Variants in SFMBT2 observed in about 807,000 individuals in gnomAD.
SFMBT2 encodes the protein Scm like with four mbt domains 2.
Under a neutral mutation model 110.1 loss-of-function variants are expected in SFMBT2, and 38 were observed. The observed-to-expected ratio is 0.35, with a 90% CI of 0.27 to 0.45. SFMBT2 has a LOEUF of 0.45. Ranked by LOEUF, SFMBT2 falls within the 20% of genes least tolerant of loss-of-function variation. SFMBT2 has a pLI of 1.00. For missense variants in SFMBT2, 1,011 were observed against 1,094.9 expected (o/e 0.92, Z 1.08); for synonymous variants, 425 against 425.4 (o/e 1.00, Z 0.01).
chr10:7,350,452 C>T (rs982772280), intron 4 of SFMBT2, among the ~76,000 whole-genome samples: 13 of 152,318 alleles, frequency 8.5e-5, no homozygotes, highest in African/African-American at 2.2e-4. Flanking sequence ...GCACCCATGA[C>T]GGCTCCAGCT....
Position 7,334,031 on chromosome 10 carries a change from T to C in SFMBT2, c.436+33618A>G, listed in dbSNP as rs138591372. ...TCAAACGTATTTTGTGAAGTGGGCC[T>C]GACAAAGCAGACACACACACCGGAT... On this transcript the variant is annotated intron_variant, in intron 4 of 20. Transcript: ENST00000397167. Among the ~76,000 whole-genome samples, 407 of 152,274 alleles carry C rather than the reference T, an allele frequency of 2.7e-3. 3 individuals are homozygous for C. Among genetic ancestry groups the C allele is most frequent in the African/African-American group, 9.0e-3 (373 of 41,558 alleles).
chr10:7,263,722 A>C (rs1335706646), intron 7 of SFMBT2, among the ~76,000 whole-genome samples: 2 of 152,240 alleles, frequency 1.3e-5, no homozygotes, highest in African/African-American at 4.8e-5. Context: ...AAACTCAGCT[A>C]CAAGTGTTTG....
chr10:7,227,101 G>A (rs1471865038), intron 10 of SFMBT2, among the ~76,000 whole-genome samples: 1 of 152,130 alleles, frequency 6.6e-6, no homozygotes, highest in Non-Finnish European at 1.5e-5. Context: ...CTATTATTAT[G>A]TTCCAATTAG....
chr10:7,368,214 T>C, intron 3 of SFMBT2: 1 of 478,058 alleles, frequency 2.1e-6, no homozygotes, highest in Non-Finnish European at 2.7e-6. Flanking sequence ...TCTTTTTGAA[T>C]AAAGCCTCTA....
At chr10:7,385,954 C>T (rs533088053) in intron 1 of SFMBT2, among the ~76,000 whole-genome samples, 116 of 152,154 alleles carry the variant, frequency 7.6e-4, no homozygotes, top group Non-Finnish European at 1.1e-3. Flanking sequence ...GAGCCCAGAT[C>T]GTGCCACTGC....
chr10:7,205,894 A>G lies in SFMBT2; in HGVS notation c.1365T>C (p.Asp455=), dbSNP rs773890750. ...LQTPVPEVIV[D]VESMDIFPVG... ...CTGGGAAGATGTCCATGGATTCCAC[A>G]TCAACAATGACCTCTGGAACAGGAG... Residue 455 remains aspartate (D), a synonymous_variant, in exon 12 of 21, where the codon GAT becomes GAC. Transcript: ENST00000397167. 9 of 1,614,110 alleles carry G rather than the reference A, an allele frequency of 5.6e-6. No individual in the cohort carries two copies. Among genetic ancestry groups the G allele is most frequent in the Non-Finnish European group, 5.9e-6 (7 of 1,179,960 alleles).
intron 4 of SFMBT2, among the ~76,000 whole-genome samples, chr10:7,324,938 T>A (rs1843330799): frequency 6.6e-6 from 1 of 150,948 alleles, no homozygotes; most frequent in Non-Finnish European, 1.5e-5. Context: ...CACTGAGCCT[T>A]AATTACTTCC....
At chr10:7,309,805 AGGAGGT>A (rs1211732381) in intron 4 of SFMBT2, among the ~76,000 whole-genome samples, 2 of 152,176 alleles carry the variant, frequency 1.3e-5, no homozygotes, top group Non-Finnish European at 2.9e-5. Flanking sequence ...AAGGAGGAGG[AGGAGGT>A]GGGTGTCTGT....
intron 1 of SFMBT2, among the ~76,000 whole-genome samples, chr10:7,398,421 T>C (rs1845984878): frequency 6.6e-6 from 1 of 152,220 alleles, no homozygotes; most frequent in African/African-American, 2.4e-5. Flanking sequence ...TGCCAACAAA[T>C]TATTTATTTA....
intron 5 of SFMBT2, 181 bp from the exon 6 acceptor site, chr10:7,284,331 C>A: frequency 7.0e-7 from 1 of 1,418,512 alleles, no homozygotes; most frequent in Non-Finnish European, 9.2e-7. Flanking sequence ...TTCCTCCCTC[C>A]CACACATCCA....
At chr10:7,345,004 T>C (rs1418721023) in intron 4 of SFMBT2, among the ~76,000 whole-genome samples, 1 of 140,798 alleles carries the variant, frequency 7.1e-6, no homozygotes, top group Non-Finnish European at 1.5e-5. Context: ...TGGATAAAGA[T>C]GATACAAGAG....
chr10:7,172,076 G>C lies in SFMBT2; in HGVS notation c.2234C>G (p.Thr745Arg), dbSNP rs147695246. The change falls in exon 19 of 21, where the codon ACG becomes AGG. Residue 745 changes from threonine (T) to arginine (R), a missense_variant. This residue lies in a region of SFMBT2 where 979 missense variants were observed against 1,016.1 expected (regional missense o/e 0.96). Transcript: ENST00000397167. The surrounding 1 kb of genome is among the most constrained non-coding windows in gnomAD (Gnocchi z 4.6). Reference protein sequence around the residue: ...ETGSELRDDQTDTSSAEVPSA... With the variant: ...ETGSELRDDQRDTSSAEVPSA... ...GGGCACCTCCGCCGACGAGGTGTCC[G>C]TCTGGTCATCCCGGAGCTCGGAGCC... The C allele has an allele frequency of 6.2e-7, 1 of 1,606,998 alleles. No individual in the cohort carries two copies. The highest frequency in any genetic ancestry group is 1.7e-5 in the Admixed American group (1 of 59,246).
intron 4 of SFMBT2, among the ~76,000 whole-genome samples, chr10:7,352,472 A>G (rs1844354140): frequency 6.6e-6 from 1 of 151,904 alleles, no homozygotes; most frequent in African/African-American, 2.4e-5. Context: ...ACAGGCATGC[A>G]CCACCACACC....
At position 7,163,120 on chromosome 10, in the gene SFMBT2, G is replaced by GGAC; in HGVS notation, c.*649_*650insGTC. The stretch of plus-strand genomic sequence containing the variant: ...CCTGTCTCAAAAAACACAACAAAAT[G>GGAC]AACAACAAACAAACAAACAAACAAA... On this transcript the variant is annotated 3_prime_UTR_variant, in exon 21 of 21. Coordinates refer to ENST00000397167, the MANE Select transcript of SFMBT2 (RefSeq NM_001387889.1). The surrounding 1 kb of genome is among the most constrained non-coding windows in gnomAD (Gnocchi z 4.8). 8.8e-6 allele frequency: 1 copy of GGAC among 113,448 alleles called. No individual in the cohort carries two copies. Among genetic ancestry groups the GGAC allele is most frequent in the Admixed American group, 9.3e-5 (1 of 10,772 alleles). 7.0% of individuals were successfully genotyped at this position (113,448 alleles called of 1,614,324 possible).
At chr10:7,207,877 T>C (rs17332760) in intron 11 of SFMBT2, among the ~76,000 whole-genome samples, 9,313 of 152,302 alleles carry the variant, frequency 0.061, 386 homozygotes, top group Non-Finnish European at 0.087. Flanking sequence ...CATACTATCA[T>C]TGTCATTCAT....
intron 11 of SFMBT2, 134 bp downstream of exon 11, chr10:7,220,277 C>T (rs1052493670): frequency 3.3e-5 from 22 of 666,212 alleles, no homozygotes; most frequent in Middle Eastern, 4.4e-4. Context: ...TTTAAGAACA[C>T]GGAATAATTT....
chr10:7,383,443 G>A (rs991005323), intron 1 of SFMBT2, among the ~76,000 whole-genome samples: 6 of 152,210 alleles, frequency 3.9e-5, no homozygotes, highest in African/African-American at 1.4e-4. Context: ...GGAAGAGATG[G>A]GGAATGTACC....
At chr10:7,262,281 G>A (rs1481517671) in intron 7 of SFMBT2, among the ~76,000 whole-genome samples, 2 of 152,080 alleles carry the variant, frequency 1.3e-5, no homozygotes, top group African/African-American at 4.8e-5. Context: ...CAATTTTACC[G>A]TGGCTTAAAT....
chr10:7,341,845 C>T (rs1163238474), intron 4 of SFMBT2, among the ~76,000 whole-genome samples: 1 of 152,152 alleles, frequency 6.6e-6, no homozygotes, highest in African/African-American at 2.4e-5. Context: ...ATGAAGTTCA[C>T]TATATATTCT....
Sources: allele counts gnomAD v4.1 joint callset (sites outside exome capture counted in the v4.1 genomes callset), GRCh38; gene constraint gnomAD v4.1.1; regional missense constraint gnomAD v4.1.1; non-coding constraint Gnocchi (gnomAD v3.1); transcripts MANE v1.5; gene names NCBI Gene and HGNC (gene_info 2026-07-23, HGNC 2026-07-21).